The following DNAH6 variants were observed in gnomAD, a reference collection of about 807,000 sequenced individuals.
The protein encoded by DNAH6 is axonemal beta dynein heavy chain 6.
In DNAH6, 340 loss-of-function variants were observed where a neutral mutation model predicts 491.4. The ratio of observed to expected loss-of-function variants is 0.69; its 90% CI spans 0.63 to 0.76. DNAH6 has a LOEUF of 0.76. DNAH6 is among the 30% of genes least tolerant of loss of function. DNAH6 has a pLI of 0.00. For synonymous variants in DNAH6, 1,603 were observed against 1,686.1 expected (o/e 0.95, Z 1.21); for missense variants, 4,443 against 4,972.2 (o/e 0.89, Z 3.20).
chr2:84,806,713 T>C (rs1418637088), intron 71 of DNAH6, among the ~76,000 whole-genome samples: 4 of 152,024 alleles, frequency 2.6e-5, no homozygotes, highest in Non-Finnish European at 5.9e-5. Flanking sequence ...TTAGATGTCT[T>C]CATTATTCAT....
intron 63 of DNAH6, among the ~76,000 whole-genome samples, chr2:84,748,653 C>G (rs931168040): frequency 3.9e-5 from 6 of 152,202 alleles, no homozygotes; most frequent in African/African-American, 1.4e-4. Context: ...CCTCATCTTC[C>G]TGTCTTCTGA....
chr2:84,779,153 T>A (rs889672859), intron 64 of DNAH6, among the ~76,000 whole-genome samples: 17 of 152,206 alleles, frequency 1.1e-4, no homozygotes, highest in African/African-American at 4.1e-4. Context: ...AGATCTTAGA[T>A]CCAATTGATT....
At chr2:84,485,607 C>T in the DNAH6 span, among the ~76,000 whole-genome samples, 6 of 152,098 alleles carry the variant, frequency 3.9e-5, no homozygotes, top group Non-Finnish European at 8.8e-5. Context: ...GTACTACGTG[C>T]TGCTGTAAAC....
chr2:84,662,127 A>G (rs770553394), intron 37 of DNAH6, among the ~76,000 whole-genome samples: 1 of 152,180 alleles, frequency 6.6e-6, no homozygotes, highest in African/African-American at 2.4e-5. Flanking sequence ...AAAATAGAAC[A>G]GAAAGTAGAG....
Position 84,808,679 on chromosome 2 carries a change from T to C in DNAH6, c.11739+137T>C, listed in dbSNP as rs77100845. On this transcript the variant is annotated intron_variant, in intron 72 of 76. Coordinates refer to ENST00000389394, the MANE Select transcript of DNAH6 (RefSeq NM_001370.2). ...AACAACTCTTCAAGCCCAATGAGTC[T>C]AAAAATGAATTTATCCTTCTCTAAT... 1.7e-3 allele frequency: 1,332 copies of C among 804,242 alleles called. 5 individuals carry two copies. The highest frequency in any genetic ancestry group is 0.013 in the Middle Eastern group (45 of 3,372). The allele number at this position is 804,242 out of a possible 1,614,324, so 49.8% of individuals were successfully genotyped here.
intron 3 of DNAH6, 91 bp downstream of exon 3, chr2:84,525,829 C>A: frequency 3.3e-6 from 3 of 922,012 alleles, no homozygotes; most frequent in Non-Finnish European, 4.8e-6. Flanking sequence ...AGAATAGAAG[C>A]AAAGTCATTT....
Position 84,637,204 on chromosome 2 carries a change from G to C in DNAH6, c.4654-6G>C. The C allele has an allele frequency of 6.5e-7, 1 of 1,527,418 alleles. No homozygotes were observed. Among genetic ancestry groups the C allele is most frequent in the Non-Finnish European group, 8.8e-7 (1 of 1,133,960 alleles). The allele number at this position is 1,527,418 out of a possible 1,614,324, so 94.6% of individuals were successfully genotyped here. A position where few individuals can be genotyped will look rare whatever the true frequency, so the allele number is the denominator to read the frequency against. On this transcript the variant is annotated splice_region_variant and splice_polypyrimidine_tract_variant and intron_variant, in intron 30 of 76. Transcript: ENST00000389394. Reference sequence around the variant, plus strand: ...GAGTGTTAACTTATATTTTATCTTCGAACAGCTCTCTAGATTCATGTTTGA... The same window carrying C: ...GAGTGTTAACTTATATTTTATCTTCCAACAGCTCTCTAGATTCATGTTTGA...
intron 3 of DNAH6, among the ~76,000 whole-genome samples, chr2:84,527,848 C>T (rs1676748829): frequency 6.6e-6 from 1 of 152,168 alleles, no homozygotes. Flanking sequence ...TAATACATCC[C>T]TGCAGAAATG....
chr2:84,658,046 C>A (rs1456353187), intron 35 of DNAH6, among the ~76,000 whole-genome samples: 3 of 151,938 alleles, frequency 2.0e-5, no homozygotes, highest in Non-Finnish European at 4.4e-5. Context: ...GAAATTAACA[C>A]CTCTGAACCC....
intron 23 of DNAH6, among the ~76,000 whole-genome samples, chr2:84,619,449 A>T (rs907632266): frequency 1.3e-5 from 2 of 152,162 alleles, no homozygotes; most frequent in Non-Finnish European, 2.9e-5. Flanking sequence ...TCTATCTTTT[A>T]TGTACTAGAC....
At chr2:84,532,278 A>G (rs563969157) in intron 4 of DNAH6, among the ~76,000 whole-genome samples, 1 of 152,308 alleles carries the variant, frequency 6.6e-6, no homozygotes, top group African/African-American at 2.4e-5. Context: ...GTGACGCTTA[A>G]TAGTAATATG....
intron 59 of DNAH6, among the ~76,000 whole-genome samples, chr2:84,720,484 T>C (rs1698022239): frequency 6.6e-6 from 1 of 151,288 alleles, no homozygotes; most frequent in African/African-American, 2.4e-5. Context: ...TTCACCGTTT[T>C]AGCTGGGATG....
intron 18 of DNAH6, among the ~76,000 whole-genome samples, chr2:84,599,101 A>G (rs1684973582): frequency 6.6e-6 from 1 of 150,804 alleles, no homozygotes; most frequent in South Asian, 2.1e-4. Flanking sequence ...ATCTTCTTAT[A>G]TGCTATTTGC....
chr2:84,502,722 G>A, the DNAH6 span, among the ~76,000 whole-genome samples: 1 of 152,108 alleles, frequency 6.6e-6, no homozygotes, highest in Non-Finnish European at 1.5e-5. Flanking sequence ...TTTTCTTGCT[G>A]AATTGACCCG....
chr2:84,664,274 A>G (rs1691839813), intron 37 of DNAH6, among the ~76,000 whole-genome samples: 1 of 152,186 alleles, frequency 6.6e-6, no homozygotes, highest in Non-Finnish European at 1.5e-5. Context: ...TAAATGGGCT[A>G]AATGCTCCAA....
At chr2:84,494,848 A>G in the DNAH6 span, among the ~76,000 whole-genome samples, 27 of 152,310 alleles carry the variant, frequency 1.8e-4, no homozygotes, top group Non-Finnish European at 2.9e-4. Context: ...TATGAACTGA[A>G]CCACCTGGGA....
chr2:84,668,474 C>T (rs1332302388), intron 37 of DNAH6, among the ~76,000 whole-genome samples: 1 of 152,144 alleles, frequency 6.6e-6, no homozygotes, highest in Non-Finnish European at 1.5e-5. Flanking sequence ...TGTTACCTAC[C>T]TGCTTAGAAT....
In DNAH6 at chr2:84,733,505, A is replaced by G; in HGVS notation, c.10268A>G (p.Asp3423Gly). 6.4e-7 allele frequency: 1 copy of G among 1,551,504 alleles called. No individual in the cohort carries two copies. Among genetic ancestry groups the G allele is most frequent in the Admixed American group, 2.0e-5 (1 of 51,004 alleles). The change falls in exon 62 of 77, where the codon GAC (aspartate) becomes GGC (glycine). Residue 3423 changes from aspartate to glycine, a missense_variant. Asp to Gly is a moderately conservative substitution (Grantham distance 94). This residue lies in a region of DNAH6 where 1,463 missense variants were observed against 1,656.6 expected (regional missense o/e 0.88). Transcript: ENST00000389394. ...LPTATWFACC[D>G]LEESFPVFHG... ...ACTGCTACATGGTTCGCATGCTGTG[A>G]CTTGGAAGAATCATTTCCAGTTTTT...
intron 59 of DNAH6, among the ~76,000 whole-genome samples, chr2:84,719,411 T>C (rs1292912826): frequency 1.3e-5 from 2 of 152,210 alleles, no homozygotes; most frequent in Non-Finnish European, 2.9e-5. Context: ...ACAAGGCTTA[T>C]TATGAAAAAT....
Sources: allele counts gnomAD v4.1 joint callset (sites outside exome capture counted in the v4.1 genomes callset), GRCh38; gene constraint gnomAD v4.1.1; regional missense constraint gnomAD v4.1.1; transcripts MANE v1.5; gene names NCBI Gene and HGNC (gene_info 2026-07-23, HGNC 2026-07-21).